Variants in PI4KB observed in about 807,000 individuals in gnomAD.
The protein encoded by PI4KB is phosphatidylinositol 4-kinase beta, also known as PtdIns 4-kinase beta.
PI4KB carries 23 observed loss-of-function variants against 81.4 expected under a neutral mutation model. The observed-to-expected ratio is 0.28, with a 90% CI of 0.20 to 0.40. The LOEUF is 0.40. Among genes scored for constraint, PI4KB ranks in the 10% least tolerant of loss-of-function variants. The pLI, the probability that PI4KB is intolerant of heterozygous loss-of-function variation, is 1.00. For synonymous variants in PI4KB, 381 were observed against 406.8 expected (o/e 0.94, Z 0.76); for missense variants, 651 against 1,036.6 (o/e 0.63, Z 5.11).
Position 151,306,398 on chromosome 1 carries a change from T to G in PI4KB, c.1183-35A>C, listed in dbSNP as rs759931064. ...GAGTGAGACAGTATTTGCAACTTACTTCCACCACTAACCCCCAAATCTCAA... is the reference window on the plus strand; with the variant it reads ...GAGTGAGACAGTATTTGCAACTTACGTCCACCACTAACCCCCAAATCTCAA... On this transcript the variant is annotated intron_variant, in intron 4 of 11. Transcript: ENST00000368873. 6 of 1,334,764 alleles carry G rather than the reference T, an allele frequency of 4.5e-6. No individual in the cohort carries two copies. The South Asian group carries it at 7.1e-5, about 16-fold the overall frequency. 82.7% of individuals were successfully genotyped at this position (1,334,764 alleles called of 1,614,324 possible). A position where few individuals can be genotyped will look rare whatever the true frequency, so the allele number is the denominator to read the frequency against.
rs1314285138 is a variant in PI4KB at position 151,294,119 on chromosome 1, C to A, written c.2168G>T (p.Gly723Val). 1.9e-6 allele frequency: 3 copies of A among 1,613,506 alleles called. No homozygotes were observed. ...EFVDVMGGLD[G>V]DMFNYYKMLM... ...CATCTTATAGTAGTTGAACATGTCG[C>A]CATCCAGGCCGCCCATCACCTGGAA... Residue 723 changes from glycine (G) to valine (V), a missense_variant, in exon 11 of 12, where the codon GGC becomes GTC. By Grantham distance (109) the Gly-to-Val change is moderately radical. Coordinates refer to ENST00000368873, the MANE Select transcript of PI4KB (RefSeq NM_001369623.2).
chr1:151,304,617 T>C (rs1424178467), intron 5 of PI4KB, among the ~76,000 whole-genome samples: 2 of 151,858 alleles, frequency 1.3e-5, no homozygotes, highest in Non-Finnish European at 1.5e-5. Flanking sequence ...AGTGCTGGGA[T>C]TGCAGGCGTG....
In PI4KB at chr1:151,314,284, T is replaced by C. The variant is rs116333302; in HGVS notation, c.909+1289A>G. Among the ~76,000 whole-genome samples the C allele has an allele frequency of 3.3e-3, 497 of 152,336 alleles. 3 individuals are homozygous for C. The highest frequency in any genetic ancestry group is 0.012 in the African/African-American group (480 of 41,578). On this transcript the variant is annotated intron_variant, in intron 2 of 11. Transcript: ENST00000368873. ...TCAAAAAGTGCAAATTCCTCCTTTT[T>C]TTCTCCCTCTTTTCTAGGCTGGGTT...
intron 8 of PI4KB, among the ~76,000 whole-genome samples, chr1:151,299,410 G>A (rs587675611): frequency 2.5e-4 from 38 of 152,282 alleles, no homozygotes; most frequent in East Asian, 1.3e-3. Context: ...GGCCAGGTGC[G>A]GTGGCTTATG....
chr1:151,313,300 G>A (rs1418060789), intron 2 of PI4KB, among the ~76,000 whole-genome samples: 3 of 152,088 alleles, frequency 2.0e-5, no homozygotes, highest in Non-Finnish European at 4.4e-5. Context: ...CCCAAGATAA[G>A]GAGTCAGGTT....
rs772383500 is a variant in PI4KB at position 151,294,155 on chromosome 1, G to A, written c.2149-17C>T. 1.2e-6 allele frequency: 2 copies of A among 1,608,246 alleles called. No homozygotes were observed. The highest frequency in any genetic ancestry group is 1.7e-5 in the Admixed American group (1 of 59,702). ...GCCCATCACCTGGAAAGGGAAGAGA[G>A]CGTTGTGTGCACAAGGGGTCTTACA... On this transcript the variant is annotated splice_polypyrimidine_tract_variant and intron_variant, in intron 10 of 11. Transcript: ENST00000368873.
At chr1:151,299,579 A>G (rs1695081904) in intron 8 of PI4KB, among the ~76,000 whole-genome samples, 1 of 152,008 alleles carries the variant, frequency 6.6e-6, no homozygotes, top group African/African-American at 2.4e-5. Flanking sequence ...AATCCCAGTT[A>G]CTCAGGAGGC....
chr1:151,306,992 T>C (rs997143132), intron 4 of PI4KB, among the ~76,000 whole-genome samples: 23 of 152,134 alleles, frequency 1.5e-4, no homozygotes, highest in African/African-American at 5.6e-4. Context: ...GGAGAATCGC[T>C]TGAACCTGGG....
Position 151,327,326 on chromosome 1 carries a change from T to G in PI4KB, c.-84A>C, listed in dbSNP as rs1649805713. 1 of 389,996 alleles carries G rather than the reference T, an allele frequency of 2.6e-6. No individual in the cohort carries two copies. The highest frequency in any genetic ancestry group is 1.3e-4 in the South Asian group (1 of 7,694). The allele number at this position is 389,996 out of a possible 1,614,324, so 24.2% of individuals were successfully genotyped here. ...GCAGTCGCGGTTGGACTGCCGACAC[T>G]GCCGCCTCAGCAGCAGCGACCGCTC... On this transcript the variant is annotated 5_prime_UTR_variant, in exon 1 of 12. Coordinates refer to ENST00000368873, the MANE Select transcript of PI4KB (RefSeq NM_001369623.2).
chr1:151,322,122 G>A (rs1648940365), intron 1 of PI4KB, among the ~76,000 whole-genome samples: 1 of 152,094 alleles, frequency 6.6e-6, no homozygotes, highest in South Asian at 2.1e-4. Context: ...TCTCCTTCCA[G>A]TCAGACTGGA....
Position 151,292,690 on chromosome 1 carries a change from C to A in PI4KB, c.*162G>T, listed in dbSNP as rs1255610767. 9 of 676,068 alleles carry A rather than the reference C, an allele frequency of 1.3e-5. No homozygotes were observed. Among genetic ancestry groups the A allele is most frequent in the Non-Finnish European group, 2.0e-5 (8 of 407,194 alleles). 41.9% of individuals were successfully genotyped at this position (676,068 alleles called of 1,614,324 possible). ...CACAGCTGGCTCTCCCACCCCTCAGCAAGCTCTCGCAGTTACCACATGATC... is the reference window on the plus strand; with the variant it reads ...CACAGCTGGCTCTCCCACCCCTCAGAAAGCTCTCGCAGTTACCACATGATC... On this transcript the variant is annotated 3_prime_UTR_variant, in exon 12 of 12. Coordinates refer to ENST00000368873, the MANE Select transcript of PI4KB (RefSeq NM_001369623.2).
In PI4KB at chr1:151,292,903, G is replaced by A. The variant is rs1694417210; in HGVS notation, c.2400C>T (p.Ile800=). Residue 800 remains isoleucine (I), a synonymous_variant, in exon 12 of 12, where the codon ATC becomes ATT. Coordinates refer to ENST00000368873, the MANE Select transcript of PI4KB (RefSeq NM_001369623.2). ...GGAAGCCGTCATAGAGTTTGGTGGT[G>A]ATAGACCGCATACTGCCATCCACCA... is the stretch of plus-strand genomic sequence containing the variant. ...EQMVDGSMRS[I]TTKLYDGFQY... is the part of the protein sequence containing the mutation. 1 of 1,614,164 alleles carries A rather than the reference G, an allele frequency of 6.2e-7. No homozygotes were observed. The highest frequency in any genetic ancestry group is 8.5e-7 in the Non-Finnish European group (1 of 1,180,032).
intron 5 of PI4KB, among the ~76,000 whole-genome samples, chr1:151,305,860 ATAAATATTTTCAT>A (rs1483246156): frequency 3.9e-5 from 6 of 152,304 alleles, no homozygotes; most frequent in African/African-American, 1.4e-4. Flanking sequence ...TAGGTGTTCA[ATAAATATTTTCAT>A]TAAATTTCCC....
chr1:151,307,685 G>A lies in PI4KB; in HGVS notation c.1071C>T (p.Ser357=). 1 of 1,614,168 alleles carries A rather than the reference G, an allele frequency of 6.2e-7. No homozygotes were observed. The highest frequency in any genetic ancestry group is 8.5e-7 in the Non-Finnish European group (1 of 1,179,990). The change falls in exon 4 of 12, where the codon TCC becomes TCT. Residue 357 remains serine, a synonymous_variant. Coordinates refer to ENST00000368873, the MANE Select transcript of PI4KB (RefSeq NM_001369623.2). ...GGGCAGGGAGCTTATGGTTGAGCAG[G>A]GAGAGCTCTGAGATCAGCCTCTGTG... ...QKTQRLISEL[S]LLNHKLPARV...
At position 151,315,974 on chromosome 1, in the gene PI4KB, C is replaced by T. The variant is rs375283129; in HGVS notation, c.508G>A (p.Glu170Lys). 137 of 1,612,840 alleles carry T rather than the reference C, an allele frequency of 8.5e-5. No homozygotes were observed. The highest frequency in any genetic ancestry group is 1.1e-4 in the Non-Finnish European group (126 of 1,179,086). The part of the protein sequence containing the change: ...IGNRLFCFRN[E>K]DVDFYLPQLL... Reference sequence around the variant, plus strand: ...TGGGGCAGATAGAAGTCCACGTCCTCGTTGCGAAAGCAGAAGAGCCGGTTG... The same window carrying T: ...TGGGGCAGATAGAAGTCCACGTCCTTGTTGCGAAAGCAGAAGAGCCGGTTG... The change falls in exon 2 of 12, where the codon GAG becomes AAG. Residue 170 changes from glutamate (E) to lysine (K), a missense_variant. Around this residue, in one of 5 missense-constraint regions of PI4KB, gnomAD observed 314 missense variants for 397.8 expected, o/e 0.79. Coordinates refer to ENST00000368873, the MANE Select transcript of PI4KB (RefSeq NM_001369623.2).
intron 11 of PI4KB, 185 bp from the exon 12 acceptor site, chr1:151,293,218 G>A: frequency 4.1e-6 from 4 of 985,324 alleles, no homozygotes; most frequent in Non-Finnish European, 3.6e-6. Flanking sequence ...ATCACCCCAC[G>A]CCTAAGCCCT....
intron 8 of PI4KB, among the ~76,000 whole-genome samples, chr1:151,301,157 C>A (rs1342722901): frequency 1.3e-5 from 2 of 152,174 alleles, no homozygotes; most frequent in Non-Finnish European, 2.9e-5. Flanking sequence ...GGAAGGTGGT[C>A]CCCGGCAGAA....
chr1:151,316,352 C>A lies in PI4KB; in HGVS notation c.130G>T (p.Asp44Tyr). The A allele has an allele frequency of 1.2e-6, 2 of 1,612,630 alleles. No homozygotes were observed. The highest frequency in any genetic ancestry group is 1.7e-6 in the Non-Finnish European group (2 of 1,179,286). ...CAGGCCTTCTGGGCCACCTCAGGGT[C>A]AATCACTGATAGTTCCCCGACCCCC... ...TEGVGELSVI[D>Y]PEVAQKACQE... The change falls in exon 2 of 12, where the codon GAC (aspartate) becomes TAC (tyrosine). Residue 44 changes from aspartate (D) to tyrosine (Y), a missense_variant. Around this residue, in one of 5 missense-constraint regions of PI4KB, gnomAD observed 314 missense variants for 397.8 expected, o/e 0.79. Coordinates refer to ENST00000368873, the MANE Select transcript of PI4KB (RefSeq NM_001369623.2).
At chr1:151,304,042 C>T (rs1695524881) in intron 5 of PI4KB, among the ~76,000 whole-genome samples, 1 of 152,170 alleles carries the variant, frequency 6.6e-6, no homozygotes, top group Non-Finnish European at 1.5e-5. Flanking sequence ...TGCGTTCTCC[C>T]CTAGGGTCCA....
Sources: gnomAD v4.1 joint callset for allele counts (sites outside exome capture counted in the v4.1 genomes callset) on GRCh38, gnomAD v4.1.1 for gene constraint, gnomAD v4.1.1 regional missense constraint, MANE v1.5 for transcripts, NCBI Gene and HGNC (gene_info 2026-07-23, HGNC 2026-07-21) for gene names.